Variants in UBE2E2 observed in about 807,000 individuals in gnomAD.
UBE2E2 encodes ubiquitin conjugating enzyme E2 E2.
UBE2E2 carries 6 observed loss-of-function variants against 24.7 expected under a neutral mutation model. The ratio of observed to expected loss-of-function variants is 0.24; its 90% CI spans 0.13 to 0.48. The LOEUF (loss-of-function observed/expected upper bound fraction) is 0.48. Among genes scored for constraint, UBE2E2 ranks in the 20% least tolerant of loss-of-function variants. The probability of loss-of-function intolerance (pLI) is 0.99; values close to 1 mark genes in which losing one functional copy is unlikely to be tolerated. For synonymous variants in UBE2E2, 104 were observed against 83.6 expected (o/e 1.24, Z -1.33); for missense variants, 169 against 245.0 (o/e 0.69, Z 2.07).
At chr3:23,582,544 C>T (rs1376194263) in intron 5 of UBE2E2, among the ~76,000 whole-genome samples, 2 of 152,190 alleles carry the variant, frequency 1.3e-5, no homozygotes, top group Non-Finnish European at 2.9e-5. Flanking sequence ...CATTCACTTT[C>T]TTCATAACCT....
At chr3:23,229,798 C>T (rs1036983753) in intron 3 of UBE2E2, among the ~76,000 whole-genome samples, 2 of 152,216 alleles carry the variant, frequency 1.3e-5, no homozygotes, top group East Asian at 1.9e-4. Flanking sequence ...ATGTGGACAT[C>T]GAGTATTTGA....
At chr3:23,444,603 T>C (rs1396412686) in intron 3 of UBE2E2, among the ~76,000 whole-genome samples, 3 of 152,196 alleles carry the variant, frequency 2.0e-5, no homozygotes, top group Non-Finnish European at 2.9e-5. Flanking sequence ...CACCCTGTAA[T>C]GGCCATTGCT....
chr3:23,566,379 C>G (rs1313189532), intron 5 of UBE2E2, among the ~76,000 whole-genome samples: 1 of 152,054 alleles, frequency 6.6e-6, no homozygotes, highest in African/African-American at 2.4e-5. Context: ...AGTTGTGTAA[C>G]CAAGCTTGTA....
At chr3:23,258,900 GAAAAAAAAA>G (rs11333992) in intron 3 of UBE2E2, among the ~76,000 whole-genome samples, 5 of 78,904 alleles carry the variant, frequency 6.3e-5, no homozygotes, top group East Asian at 4.4e-4. Flanking sequence ...CTCAAAAAAA[GAAAAAAAAA>G]AAAAAAAAAA....
chr3:23,354,977 CCCAAATGTCCAA>C (rs1337668749), intron 3 of UBE2E2, among the ~76,000 whole-genome samples: 1 of 151,926 alleles, frequency 6.6e-6, no homozygotes, highest in African/African-American at 2.4e-5. Context: ...TTGGAACCAA[CCCAAATGTCCAA>C]CAACGATAGA....
intron 3 of UBE2E2, among the ~76,000 whole-genome samples, chr3:23,263,980 G>A (rs988462536): frequency 6.6e-6 from 1 of 152,120 alleles, no homozygotes; most frequent in African/African-American, 2.4e-5. Context: ...CAGGGTATCC[G>A]TGGTGACTAA....
chr3:23,371,724 A>G (rs1245558188), intron 3 of UBE2E2, among the ~76,000 whole-genome samples: 1 of 152,180 alleles, frequency 6.6e-6, no homozygotes, highest in Non-Finnish European at 1.5e-5. Flanking sequence ...TCTGAATAAT[A>G]ATAGAGATAG....
rs555280422 is a variant in UBE2E2, at chr3:23,477,869, A to G, written c.228-21739A>G. On this transcript the variant is annotated intron_variant, in intron 3 of 5. Coordinates refer to ENST00000396703, the MANE Select transcript of UBE2E2 (RefSeq NM_152653.4). The stretch of plus-strand genomic sequence containing the variant: ...GTTTCCCTCATGCTGTTCTTTTGAC[A>G]GTGAGTTCTCACAAGATCTAATGGT... Among the ~76,000 whole-genome samples, 5 of 152,318 alleles carry G rather than the reference A, an allele frequency of 3.3e-5. No individual in the cohort carries two copies. In the South Asian group the frequency reaches 1.0e-3, roughly 32 times the overall value.
chr3:23,331,886 G>A (rs1695068083), intron 3 of UBE2E2, among the ~76,000 whole-genome samples: 1 of 152,180 alleles, frequency 6.6e-6, no homozygotes, highest in African/African-American at 2.4e-5. Context: ...GTGTATACTT[G>A]TCTAGTTGCT....
At chr3:23,283,224 TC>T (rs1234005665) in intron 3 of UBE2E2, among the ~76,000 whole-genome samples, 1 of 152,132 alleles carries the variant, frequency 6.6e-6, no homozygotes, top group Non-Finnish European at 1.5e-5. Context: ...TTTTTTTTTT[TC>T]ATGTAGAAAA....
chr3:23,372,269 A>G (rs1421898831), intron 3 of UBE2E2, among the ~76,000 whole-genome samples: 1 of 152,112 alleles, frequency 6.6e-6, no homozygotes, highest in Non-Finnish European at 1.5e-5. Flanking sequence ...TTTTTAAAAA[A>G]TTTCTGTTTT....
chr3:23,366,138 G>A (rs935258977), intron 3 of UBE2E2, among the ~76,000 whole-genome samples: 3 of 152,040 alleles, frequency 2.0e-5, no homozygotes, highest in Non-Finnish European at 4.4e-5. Flanking sequence ...CAGTCAGAAT[G>A]GCCATTATTA....
In UBE2E2 at chr3:23,568,761, T is replaced by C. The variant is rs1696151619; in HGVS notation, c.509-20973T>C. On this transcript the variant is annotated intron_variant, in intron 5 of 5. Coordinates refer to ENST00000396703, the MANE Select transcript of UBE2E2 (RefSeq NM_152653.4). ...TATATATATATATATGTATAACACT[T>C]TATAAAATACCTGGATACCTGGTGG... Among the ~76,000 whole-genome samples the C allele has an allele frequency of 2.1e-5, 3 of 143,926 alleles. 1 individual carries two copies. In the South Asian group the frequency reaches 6.3e-4, roughly 30 times the overall value. 94.4% of individuals were successfully genotyped at this position (143,926 alleles called of 152,430 possible). A position where few individuals can be genotyped will look rare whatever the true frequency, so the allele number is the denominator to read the frequency against.
chr3:23,445,713 C>T (rs1057061825), intron 3 of UBE2E2, among the ~76,000 whole-genome samples: 1 of 152,186 alleles, frequency 6.6e-6, no homozygotes, highest in Non-Finnish European at 1.5e-5. Context: ...CTGAATGTGC[C>T]TGTGCCTAAT....
At chr3:23,395,292 G>T (rs1037186678) in intron 3 of UBE2E2, among the ~76,000 whole-genome samples, 4 of 152,154 alleles carry the variant, frequency 2.6e-5, no homozygotes, top group South Asian at 4.1e-4. Context: ...CAACTAGGTC[G>T]CTTTGAGGTG....
chr3:23,459,505 T>C (rs778476), intron 3 of UBE2E2, among the ~76,000 whole-genome samples: 100,813 of 152,118 alleles, frequency 0.66, 35,148 homozygotes, highest in African/African-American at 0.89. Flanking sequence ...AGGACCATAA[T>C]GTTTTTACAA....
At chr3:23,257,554 T>A (rs1325406386) in intron 3 of UBE2E2, among the ~76,000 whole-genome samples, 7 of 88,336 alleles carry the variant, frequency 7.9e-5, no homozygotes, top group East Asian at 4.0e-4. Context: ...TTTTTTTTTT[T>A]AAGATATTAG....
rs868511677 is a variant in UBE2E2 at position 23,302,456 on chromosome 3, A to G, written c.227+85144A>G. Reference sequence around the variant, plus strand: ...TATTCCTTTGGCAAAAACACCGCACATTCTTAACAGCTGAGTTCCATGCTT... The same window carrying G: ...TATTCCTTTGGCAAAAACACCGCACGTTCTTAACAGCTGAGTTCCATGCTT... On this transcript the variant is annotated intron_variant, in intron 3 of 5. Transcript: ENST00000396703. Among the ~76,000 whole-genome samples the G allele has an allele frequency of 1.6e-4, 24 of 152,336 alleles. No individual in the cohort carries two copies. The South Asian group carries it at 2.7e-3, about 17-fold the overall frequency.
At chr3:23,325,739 G>C (rs148269897) in intron 3 of UBE2E2, among the ~76,000 whole-genome samples, 2 of 152,208 alleles carry the variant, frequency 1.3e-5, no homozygotes, top group Non-Finnish European at 2.9e-5. Flanking sequence ...AAATATAATA[G>C]TGAATATCTA....
Sources: gnomAD v4.1 joint callset for allele counts (sites outside exome capture counted in the v4.1 genomes callset) on GRCh38, gnomAD v4.1.1 for gene constraint, MANE v1.5 for transcripts, NCBI Gene and HGNC (gene_info 2026-07-23, HGNC 2026-07-21) for gene names.